ANKS1A: variants seen among roughly 807,000 people sequenced by gnomAD.
ANKS1A encodes the protein ankyrin repeat and sterile alpha motif domain containing 1A, also known as ankyrin repeat and SAM domain-containing protein 1A.
ANKS1A carries 55 observed loss-of-function variants against 120.3 expected under a neutral mutation model. The observed-to-expected ratio is 0.46, with a 90% confidence interval of 0.37 to 0.57. The LOEUF is 0.57. ANKS1A is among the 20% of genes least tolerant of loss of function. ANKS1A has a pLI of 0.00. For synonymous variants in ANKS1A, 590 were observed against 604.7 expected (o/e 0.98, Z 0.36); for missense variants, 1,123 against 1,480.3 (o/e 0.76, Z 3.96).
At chr6:34,903,024 G>C (rs1767440844) in intron 1 of ANKS1A, among the ~76,000 whole-genome samples, 1 of 151,978 alleles carries the variant, frequency 6.6e-6, no homozygotes, top group Admixed American at 6.6e-5. Flanking sequence ...GATTCTTTTG[G>C]GTGAAATTTC....
chr6:35,006,831 A>T (rs920246439), intron 10 of ANKS1A, among the ~76,000 whole-genome samples: 8 of 151,870 alleles, frequency 5.3e-5, no homozygotes, highest in African/African-American at 1.2e-4. Flanking sequence ...ATTAAAAAAA[A>T]TTTTTAAAAT....
intron 8 of ANKS1A, among the ~76,000 whole-genome samples, chr6:34,988,090 A>C (rs1443888017): frequency 6.6e-6 from 1 of 152,178 alleles, no homozygotes; most frequent in Non-Finnish European, 1.5e-5. Context: ...ATCCTGTGTC[A>C]CCTTTTCAGT....
chr6:34,924,154 G>A (rs767920056), intron 1 of ANKS1A, among the ~76,000 whole-genome samples: 5 of 148,746 alleles, frequency 3.4e-5, no homozygotes, highest in South Asian at 2.2e-4. Flanking sequence ...TGTATTTGTG[G>A]GTGTTAATAT....
intron 13 of ANKS1A, among the ~76,000 whole-genome samples, chr6:35,072,414 C>T (rs994506291): frequency 6.6e-6 from 1 of 152,256 alleles, no homozygotes; most frequent in Non-Finnish European, 1.5e-5. Context: ...GAAAGTGACA[C>T]TGATTACAGC....
rs888143855 is a variant in ANKS1A at position 35,058,899 on chromosome 6, T to C, written c.2078-1248T>C. 3.9e-5 allele frequency among the ~76,000 whole-genome samples: 6 copies of C among 152,110 alleles called. No individual in the cohort carries two copies. Among genetic ancestry groups the C allele is most frequent in the African/African-American group, 9.7e-5 (4 of 41,412 alleles). On this transcript the variant is annotated intron_variant, in intron 12 of 23. Transcript: ENST00000360359. This position sits in a 1 kb window ranked among gnomAD's most constrained non-coding sequence, Gnocchi z 5.1. ...ATGCTGATCGAGGAGCAAATAGATG[T>C]CCTCCCTTCCCTGCTCATCCTTAGA...
In ANKS1A at chr6:35,084,073, G is replaced by A; in HGVS notation, c.2995-48G>A. The stretch of plus-strand genomic sequence containing the variant: ...TAACAGGCTGGGGCAGGGGGTGCCA[G>A]AGGCATGCCTGAGCCTGAGAATTCC... On this transcript the variant is annotated intron_variant, in intron 20 of 23. Coordinates refer to ENST00000360359, the MANE Select transcript of ANKS1A (RefSeq NM_015245.3). The surrounding 1 kb of genome is among the most constrained non-coding windows in gnomAD (Gnocchi z 4.8). 1 of 1,608,718 alleles carries A rather than the reference G, an allele frequency of 6.2e-7. No homozygotes were observed. The highest frequency in any genetic ancestry group is 1.3e-5 in the African/African-American group (1 of 75,026).
Position 35,087,043 on chromosome 6 carries a change from G to C in ANKS1A, c.3395G>C (p.Ser1132Thr), listed in dbSNP as rs1292103177. The C allele has an allele frequency of 5.0e-6, 8 of 1,614,096 alleles. No individual in the cohort carries two copies. The highest frequency in any genetic ancestry group is 5.9e-6 in the Non-Finnish European group (7 of 1,179,966). The change falls in exon 23 of 24, where the codon AGC becomes ACC. Residue 1132 changes from serine (S) to threonine (T), a missense_variant. Physicochemically the swap from Ser to Thr is moderately conservative, Grantham distance 58 (BLOSUM62 1). Transcript: ENST00000360359. ...DPKPDSKRSL[S>T]TN ...AAACCAGACTCTAAGCGGAGCCTCA[G>C]CACCAAGTATGAGACCACTATCTTC...
intron 11 of ANKS1A, among the ~76,000 whole-genome samples, chr6:35,051,197 G>T (rs1312767833): frequency 6.8e-6 from 1 of 147,260 alleles, no homozygotes; most frequent in Non-Finnish European, 1.5e-5. Context: ...ATGTCTCAAA[G>T]AAAAAAAAAA....
At chr6:34,996,873 T>C (rs1772882869) in intron 10 of ANKS1A, among the ~76,000 whole-genome samples, 1 of 152,242 alleles carries the variant, frequency 6.6e-6, no homozygotes, top group Admixed American at 6.5e-5. Context: ...GTGTGAGGTA[T>C]GGATCAAGTT....
intron 1 of ANKS1A, among the ~76,000 whole-genome samples, chr6:34,925,000 T>C (rs942586236): frequency 1.3e-5 from 2 of 152,228 alleles, no homozygotes; most frequent in Non-Finnish European, 2.9e-5. Context: ...TCTTTATTGT[T>C]GAAGACTAAT....
chr6:34,948,038 G>A (rs1008438725), intron 1 of ANKS1A, among the ~76,000 whole-genome samples: 1 of 149,824 alleles, frequency 6.7e-6, no homozygotes, highest in Non-Finnish European at 1.5e-5. Flanking sequence ...ATCGAAGTTT[G>A]TTTGTTTTTT....
At chr6:34,996,276 A>G (rs1727727925) in intron 10 of ANKS1A, among the ~76,000 whole-genome samples, 1 of 152,188 alleles carries the variant, frequency 6.6e-6, no homozygotes, top group Non-Finnish European at 1.5e-5. Context: ...CTCATTGAAA[A>G]AAATTAGATT....
At chr6:35,004,152 C>CA (rs1311840519) in intron 10 of ANKS1A, among the ~76,000 whole-genome samples, 1 of 152,032 alleles carries the variant, frequency 6.6e-6, no homozygotes, top group Non-Finnish European at 1.5e-5. Flanking sequence ...CACGGACCCC[C>CA]CCTTAGAGTT....
At chr6:34,909,931 G>A (rs1767828114) in intron 1 of ANKS1A, among the ~76,000 whole-genome samples, 1 of 152,234 alleles carries the variant, frequency 6.6e-6, no homozygotes, top group Non-Finnish European at 1.5e-5. Context: ...GACGACTGCA[G>A]GTAACTGCCT....
chr6:34,987,803 C>G (rs1772289940), intron 8 of ANKS1A, among the ~76,000 whole-genome samples: 2 of 152,242 alleles, frequency 1.3e-5, no homozygotes, highest in African/African-American at 4.8e-5. Flanking sequence ...TCTCGCGTAA[C>G]TCAGCGTTCT....
At position 34,932,416 on chromosome 6, in the gene ANKS1A, G is replaced by A. The variant is rs572612866; in HGVS notation, c.198-34823G>A. On this transcript the variant is annotated intron_variant, in intron 1 of 23. Coordinates refer to ENST00000360359, the MANE Select transcript of ANKS1A (RefSeq NM_015245.3). ...CAGGCTGGTCTTGAACTCCTCAGGC[G>A]ATCCGCCTGAGGATCTGGAGTGCAG... is the stretch of plus-strand genomic sequence containing the variant. 9.7e-4 allele frequency among the ~76,000 whole-genome samples: 146 copies of A among 151,086 alleles called. 2 individuals are homozygous for A. The highest frequency in any genetic ancestry group is 3.2e-3 in the African/African-American group (130 of 41,072).
In ANKS1A at chr6:34,942,684, AT is replaced by A. The variant is rs556264133; in HGVS notation, c.198-24544del. ...CATGTCTTTTTTCATCCTGATACTG[AT>A]TTTTTTTTTTCCTCCTGTGTTTGGG... On this transcript the variant is annotated intron_variant, in intron 1 of 23. Coordinates refer to ENST00000360359, the MANE Select transcript of ANKS1A (RefSeq NM_015245.3). 5.9e-4 allele frequency among the ~76,000 whole-genome samples: 85 copies of A among 144,682 alleles called. No individual in the cohort carries two copies. The East Asian group carries it at 8.7e-3, about 15-fold the overall frequency. 94.9% of individuals were successfully genotyped at this position (144,682 alleles called of 152,430 possible). A position where few individuals can be genotyped will look rare whatever the true frequency, so the allele number is the denominator to read the frequency against.
chr6:35,044,559 G>A lies in ANKS1A; in HGVS notation c.2011-9540G>A, dbSNP rs1014559335. ...ACTTTGGTATTGTCTTGGATCCTCCGGTTTGCTTCGCGCCCCAAGAGCTGC... is the reference window on the plus strand; with the variant it reads ...ACTTTGGTATTGTCTTGGATCCTCCAGTTTGCTTCGCGCCCCAAGAGCTGC... On this transcript the variant is annotated intron_variant, in intron 11 of 23. Transcript: ENST00000360359. The surrounding 1 kb of genome is among the most constrained non-coding windows in gnomAD (Gnocchi z 4.4). Among the ~76,000 whole-genome samples the A allele has an allele frequency of 6.6e-6, 1 of 152,156 alleles. No homozygotes were observed. The highest frequency in any genetic ancestry group is 1.5e-5 in the Non-Finnish European group (1 of 68,034).
At chr6:35,008,950 A>AT (rs1251907232) in intron 10 of ANKS1A, among the ~76,000 whole-genome samples, 3 of 152,162 alleles carry the variant, frequency 2.0e-5, no homozygotes, top group Non-Finnish European at 4.4e-5. Context: ...CAGTGAGATG[A>AT]TGGGAGGAGA....
Sources: allele counts gnomAD v4.1 joint callset (sites outside exome capture counted in the v4.1 genomes callset), GRCh38; gene constraint gnomAD v4.1.1; non-coding constraint Gnocchi (gnomAD v3.1); transcripts MANE v1.5; gene names NCBI Gene and HGNC (gene_info 2026-07-23, HGNC 2026-07-21).